Variants in EVL observed in about 807,000 individuals in gnomAD.
The protein encoded by EVL is Enah/Vasp-like, also known as ena/VASP-like protein.
A neutral mutation model predicts 59.6 loss-of-function variants in EVL; 21 were observed. The ratio of observed to expected loss-of-function variants is 0.35; its 90% CI spans 0.25 to 0.51. The LOEUF (loss-of-function observed/expected upper bound fraction) is 0.51. Ranked by LOEUF, EVL falls within the 20% of genes least tolerant of loss-of-function variation. The pLI, the probability that EVL is intolerant of heterozygous loss-of-function variation, is 0.97. For synonymous variants in EVL, 198 were observed against 203.5 expected, an observed-to-expected ratio of 0.97 and a Z score of 0.23; for missense variants, 462 against 546.6, an observed-to-expected ratio of 0.85 and a Z score of 1.54.
chr14:100,032,525 G>A (rs1489569354), intron 1 of EVL, among the ~76,000 whole-genome samples: 1 of 152,170 alleles, frequency 6.6e-6, no homozygotes, highest in Non-Finnish European at 1.5e-5. Context: ...TCCATTGCCA[G>A]GACGGCTTTT....
chr14:100,044,189 C>T (rs1321553014), intron 1 of EVL, among the ~76,000 whole-genome samples: 1 of 152,170 alleles, frequency 6.6e-6, no homozygotes, highest in Non-Finnish European at 1.5e-5. Flanking sequence ...TTACAGTGTG[C>T]ACCCATTGTG....
chr14:99,999,104 C>A (rs958742647), intron 1 of EVL, among the ~76,000 whole-genome samples: 1 of 151,848 alleles, frequency 6.6e-6, no homozygotes, highest in African/African-American at 2.4e-5. Flanking sequence ...TAGTAATGTT[C>A]ATGCAGTTAG....
upstream of EVL, among the ~76,000 whole-genome samples, chr14:100,062,526 A>AC (rs2061855670): frequency 1.3e-5 from 2 of 152,202 alleles, no homozygotes; most frequent in African/African-American, 4.8e-5. Flanking sequence ...GAAACGAAGA[A>AC]CAGAGGAACC....
chr14:100,096,900 G>A (rs1885854027), intron 2 of EVL: 1 of 152,532 alleles, frequency 6.6e-6, no homozygotes, highest in Non-Finnish European at 1.5e-5. Flanking sequence ...GTATACATGT[G>A]TGGTACATAA....
chr14:100,082,074 A>G (rs1030935810), intron 1 of EVL, among the ~76,000 whole-genome samples: 5 of 152,202 alleles, frequency 3.3e-5, no homozygotes, highest in East Asian at 3.9e-4. Flanking sequence ...CAGTGAGCCA[A>G]GATCGCGCCA....
In EVL at chr14:100,128,563, C is replaced by G; in HGVS notation, c.532C>G (p.Pro178Ala). ...PGHPSSAASAPVSCSGPPPPP... is the reference protein window; with the variant it reads ...PGHPSSAASAAVSCSGPPPPP... ...ACATCCTTCATCTGCAGCCAGCGCCCCCGTCTCATGTAGTGGGCCTCCACC... is the reference window on the plus strand; with the variant it reads ...ACATCCTTCATCTGCAGCCAGCGCCGCCGTCTCATGTAGTGGGCCTCCACC... The change falls in exon 6 of 14, where the codon CCC becomes GCC. Residue 178 changes from proline to alanine, a missense_variant. By Grantham distance (27) the Pro-to-Ala change is conservative (BLOSUM62 -1). Transcript: ENST00000392920. 1 of 1,610,692 alleles carries G rather than the reference C, an allele frequency of 6.2e-7. No individual in the cohort carries two copies. Among genetic ancestry groups the G allele is most frequent in the Non-Finnish European group, 8.5e-7 (1 of 1,179,346 alleles).
chr14:100,137,230 G>A (rs1272223547), intron 9 of EVL: 4 of 323,280 alleles, frequency 1.2e-5, no homozygotes, highest in African/African-American at 2.1e-5. Flanking sequence ...GGGCCTGGCC[G>A]CCACACCACA....
chr14:100,129,866 C>T (rs769754239), intron 7 of EVL, among the ~76,000 whole-genome samples, 182 bp downstream of exon 7: 2 of 152,244 alleles, frequency 1.3e-5, no homozygotes, highest in Non-Finnish European at 2.9e-5. Flanking sequence ...CGCAAGCCCA[C>T]AGGAGTCCTC....
chr14:99,978,979 G>A (rs1261420826), intron 1 of EVL, among the ~76,000 whole-genome samples: 1 of 152,134 alleles, frequency 6.6e-6, no homozygotes, highest in Non-Finnish European at 1.5e-5. Context: ...AGAAGTCTAA[G>A]TCTCAGTTTT....
intron 1 of EVL, among the ~76,000 whole-genome samples, chr14:100,069,871 T>C (rs1328733803): frequency 6.6e-6 from 1 of 152,062 alleles, no homozygotes; most frequent in Non-Finnish European, 1.5e-5. Flanking sequence ...TTACATGATA[T>C]ACATACTATT....
intron 1 of EVL, among the ~76,000 whole-genome samples, chr14:100,015,620 A>G (rs2061044370): frequency 6.6e-6 from 1 of 152,178 alleles, no homozygotes; most frequent in African/African-American, 2.4e-5. Context: ...TGCCAGAGTC[A>G]TTTAGGCCAG....
chr14:100,094,584 A>C (rs988405135), intron 2 of EVL, among the ~76,000 whole-genome samples: 3 of 151,898 alleles, frequency 2.0e-5, no homozygotes, highest in African/African-American at 7.3e-5. Flanking sequence ...CTACTTTAAA[A>C]AAAAAAAAAT....
At position 100,109,577 on chromosome 14, in the gene EVL, G is replaced by A; in HGVS notation, c.358+11919G>A. 2.1e-6 allele frequency: 1 copy of A among 481,952 alleles called. No individual in the cohort carries two copies. Among genetic ancestry groups the A allele is most frequent in the Admixed American group, 2.3e-5 (1 of 43,566 alleles). The allele number at this position is 481,952 out of a possible 1,614,324, so 29.9% of individuals were successfully genotyped here. A position where few individuals can be genotyped will look rare whatever the true frequency, so the allele number is the denominator to read the frequency against. ...TCATATTGTGTGCCTCTCATAGCCT[G>A]GCACTTCCTGCCATTGCATCCTTCT... On this transcript the variant is annotated intron_variant, in intron 3 of 13. Coordinates refer to ENST00000392920, the MANE Select transcript of EVL (RefSeq NM_016337.3). This position sits in a 1 kb window ranked among gnomAD's most constrained non-coding sequence, Gnocchi z 4.3.
At chr14:100,043,978 A>G (rs1191435385) in intron 1 of EVL, among the ~76,000 whole-genome samples, 1 of 152,076 alleles carries the variant, frequency 6.6e-6, no homozygotes, top group Non-Finnish European at 1.5e-5. Context: ...TGGAGGTTGT[A>G]AAGTCCTACG....
At chr14:100,083,658 T>G (rs185352132) in intron 1 of EVL, among the ~76,000 whole-genome samples, 62 of 152,348 alleles carry the variant, frequency 4.1e-4, no homozygotes, top group Non-Finnish European at 6.5e-4. Context: ...TGTCATACTT[T>G]GAACAAATGA....
chr14:100,004,481 G>T (rs576066166), intron 1 of EVL, among the ~76,000 whole-genome samples: 2 of 149,692 alleles, frequency 1.3e-5, no homozygotes, highest in Non-Finnish European at 3.0e-5. Context: ...TGTGTAAGTG[G>T]TTTTTTTTTT....
At chr14:100,023,410 G>A (rs1025441240) in intron 1 of EVL, among the ~76,000 whole-genome samples, 3 of 125,644 alleles carry the variant, frequency 2.4e-5, no homozygotes, top group African/African-American at 3.2e-5. Flanking sequence ...ATGGAGTTTC[G>A]CTCTTGTCTC....
Position 100,018,268 on chromosome 14 carries a change from C to G in EVL, c.5+46211C>G, listed in dbSNP as rs372885275. The stretch of plus-strand genomic sequence containing the variant: ...TGAGGGAGCAGCACGTGGGCAGCGG[C>G]TCACATTAGGGAGCAGCAAAGAACC... On this transcript the variant is annotated intron_variant, in intron 1 of 13. Coordinates refer to the EVL transcript ENST00000402714. Among the ~76,000 whole-genome samples, 38 of 152,264 alleles carry G rather than the reference C, an allele frequency of 2.5e-4. 3 individuals are homozygous for G. Among genetic ancestry groups the G allele is most frequent in the Admixed American group, 1.7e-3 (26 of 15,294 alleles).
intron 2 of EVL, among the ~76,000 whole-genome samples, chr14:100,090,898 G>A (rs2062549521): frequency 6.6e-6 from 1 of 152,178 alleles, no homozygotes; most frequent in African/African-American, 2.4e-5. Flanking sequence ...TGATTTAGCA[G>A]TTGGAAAGGA....
Sources: gnomAD v4.1 joint callset for allele counts (sites outside exome capture counted in the v4.1 genomes callset) on GRCh38, gnomAD v4.1.1 for gene constraint, Gnocchi (gnomAD v3.1) non-coding constraint, MANE v1.5 for transcripts, NCBI Gene and HGNC (gene_info 2026-07-23, HGNC 2026-07-21) for gene names.